Variants in NRG1 observed in about 807,000 individuals in gnomAD.
NRG1 encodes the protein neuregulin 1, also known as pro-neuregulin-1, membrane-bound isoform.
A neutral mutation model predicts 63.8 loss-of-function variants in NRG1; 18 were observed. The observed-to-expected ratio is 0.28, with a 90% CI of 0.19 to 0.42. The LOEUF (loss-of-function observed/expected upper bound fraction) is 0.42. NRG1 is among the 10% of genes least tolerant of loss of function. NRG1 has a pLI of 1.00. For synonymous variants in NRG1, 302 were observed against 301.3 expected (o/e 1.00, Z -0.02); for missense variants, 762 against 814.7 (o/e 0.94, Z 0.79).
intron 1 of NRG1, among the ~76,000 whole-genome samples, chr8:31,716,391 G>A (rs1043935201): frequency 6.6e-6 from 1 of 152,154 alleles, no homozygotes; most frequent in Admixed American, 6.5e-5. Flanking sequence ...CTCGAGCATG[G>A]CAAAATATGC....
At chr8:31,764,870 C>T (rs191329888) in intron 1 of NRG1, among the ~76,000 whole-genome samples, 3,078 of 146,444 alleles carry the variant, frequency 0.021, 56 homozygotes, top group East Asian at 0.05. Context: ...GGTATATCTC[C>T]CAATGCTATC....
chr8:32,427,974 C>G (rs1449216420), intron 1 of NRG1, among the ~76,000 whole-genome samples: 1 of 152,194 alleles, frequency 6.6e-6, no homozygotes, highest in Non-Finnish European at 1.5e-5. Flanking sequence ...CAGTTTACAA[C>G]AACGGAAGTT....
intron 1 of NRG1, among the ~76,000 whole-genome samples, chr8:32,537,411 G>A (rs1337583002): frequency 2.0e-5 from 3 of 152,018 alleles, no homozygotes; most frequent in African/African-American, 4.8e-5. Flanking sequence ...ATGAACATAT[G>A]GCATTTTTAT....
At chr8:32,287,281 G>C (rs1853647530) in intron 1 of NRG1, 1 of 152,182 alleles carries the variant, frequency 6.6e-6, no homozygotes, top group Non-Finnish European at 1.5e-5. Context: ...GCCAGAGCAA[G>C]TCACAGAACA....
Position 31,734,217 on chromosome 8 carries a change from C to T in NRG1, c.37+94786C>T, listed in dbSNP as rs118058545. 3.8e-3 allele frequency among the ~76,000 whole-genome samples: 585 copies of T among 152,224 alleles called. 1 individual carries two copies. The highest frequency in any genetic ancestry group is 0.019 in the South Asian group (90 of 4,824). ...GGCGCGTACCTATAGCCCTAGCTGC[C>T]TGGAAGGCTGAGGCAGGAAGATCGC... On this transcript the variant is annotated intron_variant, in intron 1 of 10. Coordinates refer to the NRG1 transcript ENST00000519301.
chr8:31,824,521 T>C (rs1824345598), intron 1 of NRG1, among the ~76,000 whole-genome samples: 1 of 152,210 alleles, frequency 6.6e-6, no homozygotes, highest in Non-Finnish European at 1.5e-5. Flanking sequence ...GCATTGCTGA[T>C]GGATTCTCAT....
rs934768864 is a variant in NRG1, at chr8:32,569,642, A to G, written c.100+20816A>G. Among the ~76,000 whole-genome samples, 3 of 152,128 alleles carry G rather than the reference A, an allele frequency of 2.0e-5. No individual in the cohort carries two copies. In the South Asian group the frequency reaches 6.2e-4, roughly 31 times the overall value. ...CTCATTTATTCTTTTCTGCACTTTA[A>G]TATTACAGTTTATTTGCTTCTGGCT... is the stretch of plus-strand genomic sequence containing the variant. On this transcript the variant is annotated intron_variant, in intron 1 of 11. Transcript: ENST00000356819.
intron 1 of NRG1, among the ~76,000 whole-genome samples, chr8:31,800,968 G>A (rs969849564): frequency 6.8e-6 from 1 of 147,932 alleles, no homozygotes; most frequent in Non-Finnish European, 1.5e-5. Context: ...AGCCTCCCAA[G>A]TAGCTGGGAC....
chr8:32,742,345 A>G lies in NRG1; in HGVS notation c.633-330A>G, dbSNP rs145951345. ...GCCAACCGAGAAACATTTTCTTCCA[A>G]CGTGTGTGACCAAAGCCATCATATG... On this transcript the variant is annotated intron_variant, in intron 6 of 11. Coordinates refer to ENST00000356819, the Ensembl canonical transcript of NRG1. The surrounding 1 kb of genome is among the most constrained non-coding windows in gnomAD (Gnocchi z 4.2). Among the ~76,000 whole-genome samples the G allele has an allele frequency of 6.6e-6, 1 of 152,224 alleles. No homozygotes were observed. The highest frequency in any genetic ancestry group is 2.4e-5 in the African/African-American group (1 of 41,554).
At chr8:32,670,137 CAT>C (rs1290830145) in intron 5 of NRG1, among the ~76,000 whole-genome samples, 1 of 152,132 alleles carries the variant, frequency 6.6e-6, no homozygotes, top group East Asian at 1.9e-4. Context: ...TTAATTAAAA[CAT>C]ATTCTTGAAA....
chr8:32,106,550 G>C (rs887345671), intron 1 of NRG1, among the ~76,000 whole-genome samples: 4 of 152,062 alleles, frequency 2.6e-5, no homozygotes, highest in Admixed American at 2.6e-4. Context: ...CTTAAATTAG[G>C]TTTCTTAATA....
intron 1 of NRG1, among the ~76,000 whole-genome samples, chr8:32,236,287 A>G (rs895814252): frequency 6.6e-6 from 1 of 152,102 alleles, no homozygotes; most frequent in Admixed American, 6.6e-5. Context: ...TGGGGGGGAA[A>G]ATCAAATTAT....
chr8:31,834,194 C>CCACAGTTAGCTA (rs1441989178), intron 1 of NRG1, among the ~76,000 whole-genome samples: 2 of 152,152 alleles, frequency 1.3e-5, no homozygotes, highest in Non-Finnish European at 2.9e-5. Flanking sequence ...AGCTAAGCAT[C>CCACAGTTAGCTA]AGCCAACCAC....
chr8:32,081,199 G>A (rs1369335057), intron 1 of NRG1, among the ~76,000 whole-genome samples: 2 of 152,122 alleles, frequency 1.3e-5, no homozygotes, highest in Admixed American at 1.3e-4. Flanking sequence ...ACCATTACAA[G>A]TCTAGTTGGC....
intron 1 of NRG1, among the ~76,000 whole-genome samples, chr8:32,407,845 A>C (rs1159576453): frequency 6.6e-6 from 1 of 152,210 alleles, no homozygotes; most frequent in African/African-American, 2.4e-5. Flanking sequence ...AGCTCCAAAA[A>C]AGAAGAATTT....
chr8:32,648,298 C>A, intron 5 of NRG1: 1 of 1,614,076 alleles, frequency 6.2e-7, no homozygotes. Context: ...TTCCCTTCAC[C>A]CACCCGGAAC....
At chr8:32,252,949 T>C (rs1849283345) in intron 1 of NRG1, among the ~76,000 whole-genome samples, 1 of 152,186 alleles carries the variant, frequency 6.6e-6, no homozygotes, top group Non-Finnish European at 1.5e-5. Context: ...TTTATTCTCT[T>C]TGTAGCCATT....
chr8:32,452,800 T>C (rs947505019), intron 1 of NRG1, among the ~76,000 whole-genome samples: 1 of 152,222 alleles, frequency 6.6e-6, no homozygotes, highest in Non-Finnish European at 1.5e-5. Flanking sequence ...TATGTAAGAA[T>C]AAGAAATACT....
intron 5 of NRG1, among the ~76,000 whole-genome samples, chr8:32,719,696 G>A (rs577986797): frequency 2.0e-5 from 3 of 151,846 alleles, no homozygotes; most frequent in Non-Finnish European, 2.9e-5. Context: ...GTTGATATTC[G>A]AATTTTTCTC....
Sources: allele counts gnomAD v4.1 joint callset (sites outside exome capture counted in the v4.1 genomes callset), GRCh38; gene constraint gnomAD v4.1.1; non-coding constraint Gnocchi (gnomAD v3.1); transcripts MANE v1.5; gene names NCBI Gene and HGNC (gene_info 2026-07-23, HGNC 2026-07-21).